Variants in TRPC4 observed in about 807,000 individuals in gnomAD.
TRPC4 encodes the protein short transient receptor potential channel 4.
TRPC4 carries 49 observed loss-of-function variants against 99.4 expected under a neutral mutation model. The observed-to-expected ratio is 0.49, with a 90% confidence interval of 0.39 to 0.63. The LOEUF (loss-of-function observed/expected upper bound fraction) is 0.63, where lower values mean the gene tolerates loss of function less well. Ranked by LOEUF, TRPC4 falls within the 20% of genes least tolerant of loss-of-function variation. TRPC4 has a pLI of 0.00. For missense variants in TRPC4, 898 were observed against 1,152.9 expected, an observed-to-expected ratio of 0.78 and a Z score of 3.20; for synonymous variants, 454 against 425.9, an observed-to-expected ratio of 1.07 and a Z score of -0.81.
At chr13:37,695,436 A>C (rs545383411) in intron 3 of TRPC4, among the ~76,000 whole-genome samples, 3 of 151,040 alleles carry the variant, frequency 2.0e-5, no homozygotes, top group African/African-American at 7.3e-5. Context: ...CCCCCCTCCT[A>C]CTCCATCTTT....
At chr13:37,646,858 A>G (rs1476094619) in intron 8 of TRPC4, among the ~76,000 whole-genome samples, 1 of 152,168 alleles carries the variant, frequency 6.6e-6, no homozygotes, top group African/African-American at 2.4e-5. Flanking sequence ...TTTTCGTGGG[A>G]TTTTTATAAT....
chr13:37,828,476 A>G (rs1958315836), intron 1 of TRPC4, among the ~76,000 whole-genome samples: 1 of 152,232 alleles, frequency 6.6e-6, no homozygotes, highest in Admixed American at 6.5e-5. Flanking sequence ...CACCCATTCC[A>G]TTATTGGGCA....
At chr13:37,671,283 T>C (rs1952829478) in intron 5 of TRPC4, among the ~76,000 whole-genome samples, 1 of 152,132 alleles carries the variant, frequency 6.6e-6, no homozygotes. Context: ...AATTGAATGA[T>C]AGAACAAATG....
intron 3 of TRPC4, among the ~76,000 whole-genome samples, chr13:37,734,005 G>A (rs1472358110): frequency 6.6e-6 from 1 of 152,102 alleles, no homozygotes; most frequent in Non-Finnish European, 1.5e-5. Flanking sequence ...CAACAGAGGA[G>A]CCATTCACAC....
chr13:37,716,597 T>C (rs752709936), intron 3 of TRPC4, among the ~76,000 whole-genome samples: 11 of 152,134 alleles, frequency 7.2e-5, no homozygotes, highest in African/African-American at 2.4e-4. Flanking sequence ...AAGTGGTTAG[T>C]ACTTTGTGTA....
chr13:37,695,650 T>C (rs1238248553), intron 3 of TRPC4, among the ~76,000 whole-genome samples: 1 of 152,234 alleles, frequency 6.6e-6, no homozygotes, highest in Non-Finnish European at 1.5e-5. Context: ...GCTGTGCACT[T>C]ATAAAAGACG....
chr13:37,776,909 C>T (rs999082167), intron 2 of TRPC4, among the ~76,000 whole-genome samples: 12 of 151,826 alleles, frequency 7.9e-5, no homozygotes, highest in African/African-American at 2.2e-4. Context: ...GAATCCATAT[C>T]GACTAAGAAT....
chr13:37,807,018 A>T (rs895004921), intron 1 of TRPC4, among the ~76,000 whole-genome samples: 2 of 152,082 alleles, frequency 1.3e-5, no homozygotes, highest in South Asian at 4.1e-4. Context: ...TCCATGAAGA[A>T]ATCTTTAGAA....
chr13:37,788,592 C>T lies in TRPC4; in HGVS notation c.-27-5232G>A, dbSNP rs551690336. On this transcript the variant is annotated intron_variant, in intron 1 of 10. Transcript: ENST00000379705. Reference sequence around the variant, plus strand: ...GTCTTCCCTAATGCTCCACCTCCTACCTCAACATGACCCTTCTCTCAGTGG... The same window carrying T: ...GTCTTCCCTAATGCTCCACCTCCTATCTCAACATGACCCTTCTCTCAGTGG... Among the ~76,000 whole-genome samples the T allele has an allele frequency of 3.9e-5, 6 of 152,156 alleles. No individual in the cohort carries two copies. In the South Asian group the frequency reaches 1.2e-3, roughly 32 times the overall value.
At chr13:37,868,664 T>A (rs1006670747) in intron 1 of TRPC4, among the ~76,000 whole-genome samples, 7 of 152,078 alleles carry the variant, frequency 4.6e-5, no homozygotes, top group African/African-American at 1.4e-4. Flanking sequence ...AACTAAAGCT[T>A]CCTTCTGTCT....
chr13:37,856,437 T>A (rs1275072829), intron 1 of TRPC4, among the ~76,000 whole-genome samples: 2 of 146,976 alleles, frequency 1.4e-5, no homozygotes, highest in African/African-American at 2.5e-5. Flanking sequence ...CGCTGTTGAA[T>A]TCTACCAAAC....
At chr13:37,680,379 C>T (rs1041609428) in intron 4 of TRPC4, among the ~76,000 whole-genome samples, 5 of 152,174 alleles carry the variant, frequency 3.3e-5, no homozygotes, top group Non-Finnish European at 7.4e-5. Flanking sequence ...CTCAACTCAA[C>T]GAGCAATCAG....
chr13:37,793,079 G>C (rs1258576314), intron 1 of TRPC4, among the ~76,000 whole-genome samples: 1 of 152,108 alleles, frequency 6.6e-6, no homozygotes, highest in Non-Finnish European at 1.5e-5. Context: ...AATAATAAGT[G>C]ACGTTGAGAC....
At chr13:37,778,264 C>T (rs7330208) in intron 2 of TRPC4, among the ~76,000 whole-genome samples, 68,731 of 151,722 alleles carry the variant, frequency 0.45, 15,859 homozygotes, top group Middle Eastern at 0.5. Flanking sequence ...CATATTATTA[C>T]GTCACTTAAG....
At chr13:37,761,263 A>G (rs1446132836) in intron 2 of TRPC4, among the ~76,000 whole-genome samples, 2 of 151,868 alleles carry the variant, frequency 1.3e-5, no homozygotes, top group African/African-American at 4.8e-5. Flanking sequence ...TAATGTTTAC[A>G]TGTACTATTA....
intron 4 of TRPC4, among the ~76,000 whole-genome samples, chr13:37,680,892 A>AT (rs1472080937): frequency 6.6e-6 from 1 of 152,200 alleles, no homozygotes; most frequent in Non-Finnish European, 1.5e-5. Flanking sequence ...AATAAAATAT[A>AT]TTTTAAAGTA....
At chr13:37,732,970 A>C (rs183210960) in intron 3 of TRPC4, among the ~76,000 whole-genome samples, 1 of 152,294 alleles carries the variant, frequency 6.6e-6, no homozygotes, top group East Asian at 1.9e-4. Context: ...GAAATGAAAA[A>C]CAAAACAAAA....
At chr13:37,815,995 C>T (rs1957842736) in intron 1 of TRPC4, among the ~76,000 whole-genome samples, 1 of 151,800 alleles carries the variant, frequency 6.6e-6, no homozygotes, top group Non-Finnish European at 1.5e-5. Flanking sequence ...ACAACCTACT[C>T]AAGAATGACT....
intron 1 of TRPC4, among the ~76,000 whole-genome samples, chr13:37,838,699 C>T (rs1281432345): frequency 6.6e-6 from 1 of 152,080 alleles, no homozygotes; most frequent in Non-Finnish European, 1.5e-5. Flanking sequence ...TCAATATATA[C>T]ACAATATTCA....
Sources: gnomAD v4.1 joint callset for allele counts (sites outside exome capture counted in the v4.1 genomes callset) on GRCh38, gnomAD v4.1.1 for gene constraint, MANE v1.5 for transcripts, NCBI Gene and HGNC (gene_info 2026-07-23, HGNC 2026-07-21) for gene names.